The following GPHN variants were observed in gnomAD, a reference collection of about 807,000 sequenced individuals.
GPHN encodes the protein gephyrin.
In GPHN, 17 loss-of-function variants were observed where a neutral mutation model predicts 95.5. The ratio of observed to expected loss-of-function variants is 0.18; its 90% CI spans 0.12 to 0.27. The LOEUF is 0.27. Among genes scored for constraint, GPHN ranks in the 10% least tolerant of loss-of-function variants. The pLI is 1.00. For synonymous variants in GPHN, 320 were observed against 322.5 expected (o/e 0.99, Z 0.08); for missense variants, 660 against 978.1 (o/e 0.67, Z 4.34).
the GPHN span, chr14:67,695,813 A>T: frequency 2.0e-6 from 2 of 1,004,520 alleles, no homozygotes. Flanking sequence ...CGGGGAGCAG[A>T]CCTTCTGGGA....
chr14:67,336,109 A>G, the GPHN span: 17 of 152,426 alleles, frequency 1.1e-4, no homozygotes, highest in African/African-American at 3.8e-4. Context: ...AATAATACTC[A>G]GGCAAATGGA....
the GPHN span, chr14:67,725,042 T>C: frequency 6.3e-7 from 1 of 1,592,632 alleles, no homozygotes; most frequent in Non-Finnish European, 8.6e-7. Context: ...TCACTTACTA[T>C]ACCTCCTTTA....
In GPHN at chr14:66,890,363, T is replaced by A. The variant is rs566438877; in HGVS notation, c.389+10330T>A. Among the ~76,000 whole-genome samples, 205 of 142,380 alleles carry A rather than the reference T, an allele frequency of 1.4e-3. 7 individuals are homozygous for A. In the South Asian group the frequency reaches 0.044, roughly 30 times the overall value. The allele number at this position is 142,380 out of a possible 152,430, so 93.4% of individuals were successfully genotyped here. On this transcript the variant is annotated intron_variant, in intron 5 of 22. Coordinates refer to ENST00000478722, the MANE Select transcript of GPHN (RefSeq NM_020806.5). Reference sequence around the variant, plus strand: ...GTAGAGGCCACACAGTGAGCCCTGATCATGCGCACTGCGCTCCAGCCTGGG... The same window carrying A: ...GTAGAGGCCACACAGTGAGCCCTGAACATGCGCACTGCGCTCCAGCCTGGG...
At chr14:67,036,536 CACACAG>C (rs1159784711) in intron 10 of GPHN, among the ~76,000 whole-genome samples, 21 of 149,630 alleles carry the variant, frequency 1.4e-4, no homozygotes, top group South Asian at 1.1e-3. Flanking sequence ...CACACACACA[CACACAG>C]AGAAACACTA....
intron 3 of GPHN, among the ~76,000 whole-genome samples, chr14:66,789,607 C>T (rs1304846036): frequency 6.6e-6 from 1 of 152,142 alleles, no homozygotes; most frequent in African/African-American, 2.4e-5. Context: ...AAACAGGTCC[C>T]CAGAATTAAG....
rs543621786 is a variant in GPHN, at chr14:67,180,453, G to C, written c.2177-351G>C. 2.6e-5 allele frequency among the ~76,000 whole-genome samples: 4 copies of C among 152,264 alleles called. No homozygotes were observed. The East Asian group carries it at 5.8e-4, about 22-fold the overall frequency. ...GGCACTCAGTAAAGAAATGGTAGCT[G>C]CTACCATTATTGTCATTATTATTTT... On this transcript the variant is annotated intron_variant, in intron 22 of 22. Transcript: ENST00000478722.
chr14:67,644,620 A>C, the GPHN span, among the ~76,000 whole-genome samples: 25 of 152,314 alleles, frequency 1.6e-4, no homozygotes, highest in Non-Finnish European at 1.5e-4. Flanking sequence ...CATCAGGTGT[A>C]TTCTTAGAAT....
At chr14:67,154,985 C>A (rs2081500417) in intron 18 of GPHN, among the ~76,000 whole-genome samples, 1 of 152,004 alleles carries the variant, frequency 6.6e-6, no homozygotes, top group Non-Finnish European at 1.5e-5. Context: ...TTCCTCAAAG[C>A]ATTTACTAAT....
At chr14:67,606,212 G>T in the GPHN span, among the ~76,000 whole-genome samples, 2 of 152,130 alleles carry the variant, frequency 1.3e-5, no homozygotes, top group African/African-American at 4.8e-5. Flanking sequence ...AAACATGAAA[G>T]AAATCTATTG....
intron 5 of GPHN, among the ~76,000 whole-genome samples, chr14:66,887,629 C>G (rs1285671842): frequency 1.3e-5 from 2 of 152,242 alleles, no homozygotes; most frequent in African/African-American, 2.4e-5. Context: ...TCCCCACCCC[C>G]ACACATCCCC....
chr14:66,986,804 A>G (rs1466231969), intron 9 of GPHN, among the ~76,000 whole-genome samples: 3 of 151,878 alleles, frequency 2.0e-5, no homozygotes, highest in Admixed American at 6.6e-5. Flanking sequence ...CACACCTCCA[A>G]TTTATTTCCA....
chr14:67,327,987 G>A, the GPHN span, among the ~76,000 whole-genome samples: 3,145 of 152,124 alleles, frequency 0.021, 117 homozygotes, highest in African/African-American at 0.072. Context: ...TAATCCTTTG[G>A]GTATATACCC....
intron 5 of GPHN, among the ~76,000 whole-genome samples, chr14:66,897,551 C>T (rs2064917313): frequency 6.6e-6 from 1 of 152,026 alleles, no homozygotes; most frequent in Admixed American, 6.6e-5. Context: ...AATATTTTGC[C>T]ATTTCAAGAA....
the GPHN span, among the ~76,000 whole-genome samples, chr14:67,510,161 G>A: frequency 6.6e-6 from 1 of 152,206 alleles, no homozygotes; most frequent in African/African-American, 2.4e-5. Context: ...ATTAATAGTA[G>A]CTATCTCATT....
chr14:67,343,505 C>G, the GPHN span: 1 of 1,084,664 alleles, frequency 9.2e-7, no homozygotes, highest in Non-Finnish European at 1.4e-6. Context: ...TCACTTGACT[C>G]CACTAAGACT....
chr14:67,136,961 A>G (rs1478222356), intron 17 of GPHN, among the ~76,000 whole-genome samples: 1 of 152,046 alleles, frequency 6.6e-6, no homozygotes, highest in Non-Finnish European at 1.5e-5. Flanking sequence ...CCAGGAGTTC[A>G]AGACCAGCCT....
the GPHN span, among the ~76,000 whole-genome samples, chr14:67,548,070 C>T: frequency 2.0e-5 from 3 of 152,192 alleles, no homozygotes; most frequent in Non-Finnish European, 4.4e-5. Flanking sequence ...ATTCACATCT[C>T]GCCCTGCTTT....
chr14:66,952,897 T>C (rs749476870), intron 8 of GPHN, among the ~76,000 whole-genome samples: 34 of 151,978 alleles, frequency 2.2e-4, no homozygotes, highest in Non-Finnish European at 4.3e-4. Context: ...GGTTTCACTA[T>C]GTTTGCCAGG....
intron 3 of GPHN, among the ~76,000 whole-genome samples, chr14:66,776,859 C>G (rs961983875): frequency 7.0e-6 from 1 of 143,118 alleles, no homozygotes; most frequent in Non-Finnish European, 1.5e-5. Flanking sequence ...TCCCTATAAG[C>G]CTTCACCACT....
Sources: allele counts gnomAD v4.1 joint callset (sites outside exome capture counted in the v4.1 genomes callset), GRCh38; gene constraint gnomAD v4.1.1; transcripts MANE v1.5; gene names NCBI Gene and HGNC (gene_info 2026-07-23, HGNC 2026-07-21).